Variants in SERPINB11 observed in about 807,000 individuals in gnomAD.
SERPINB11 encodes the protein serpin B11.
In SERPINB11, 32 loss-of-function variants were observed where a neutral mutation model predicts 36.7. That is an observed-to-expected ratio of 0.87 (90% CI 0.66 to 1.17). The LOEUF is 1.17. SERPINB11 is among the 50% of genes most tolerant of loss of function. SERPINB11 has a pLI of 0.00. For missense variants in SERPINB11, 528 were observed against 458.4 expected (o/e 1.15, Z -1.39); for synonymous variants, 174 against 168.1 (o/e 1.04, Z -0.27).
intron 3 of SERPINB11, among the ~76,000 whole-genome samples, chr18:63,712,179 T>C (rs1914542628): frequency 6.6e-6 from 1 of 151,078 alleles, no homozygotes; most frequent in African/African-American, 2.4e-5. Context: ...ACATGAAAAA[T>C]GGAGATGTAG....
intron 4 of SERPINB11, among the ~76,000 whole-genome samples, chr18:63,714,293 A>G (rs1388623793): frequency 1.3e-5 from 2 of 152,170 alleles, no homozygotes; most frequent in East Asian, 3.9e-4. Flanking sequence ...TCACAAGGCA[A>G]TAAAATATCA....
At chr18:63,707,974 A>G (rs989546666) in intron 1 of SERPINB11, among the ~76,000 whole-genome samples, 1 of 152,236 alleles carries the variant, frequency 6.6e-6, no homozygotes, top group Non-Finnish European at 1.5e-5. Flanking sequence ...AGCCTTAGTA[A>G]TGAGATGCTA....
chr18:63,717,880 AT>A (rs537255094), intron 5 of SERPINB11, among the ~76,000 whole-genome samples: 2 of 151,938 alleles, frequency 1.3e-5, no homozygotes, highest in African/African-American at 4.8e-5. Context: ...CTTTGCACAC[AT>A]TTTTTGGACG....
At chr18:63,711,272 G>T in intron 2 of SERPINB11, 63 bp from the exon 3 acceptor site, 1 of 1,129,340 alleles carries the variant, frequency 8.9e-7, no homozygotes, top group Non-Finnish European at 1.3e-6. Flanking sequence ...ACTTACAACT[G>T]TCAACCTTTA....
At chr18:63,717,847 A>G (rs1321550372) in intron 5 of SERPINB11, among the ~76,000 whole-genome samples, 2 of 151,954 alleles carry the variant, frequency 1.3e-5, no homozygotes, top group Non-Finnish European at 2.9e-5. Flanking sequence ...AAAATTTATG[A>G]TCTTTTCCTT....
intron 1 of SERPINB11, among the ~76,000 whole-genome samples, chr18:63,708,782 G>A (rs1914438573): frequency 6.6e-6 from 1 of 152,162 alleles, no homozygotes; most frequent in African/African-American, 2.4e-5. Context: ...GAATGAGGTT[G>A]GATGAGATCA....
In SERPINB11 at chr18:63,720,840, G is replaced by GT. The variant is rs1180180880; in HGVS notation, c.629dup (p.Thr211AsnfsTer12). 2 of 1,552,214 alleles carry GT rather than the reference G, an allele frequency of 1.3e-6. No individual in the cohort carries two copies. Among genetic ancestry groups the GT allele is most frequent in the South Asian group, 2.4e-5 (2 of 84,264 alleles). ...TTTTTCTTCTTAACAGGGTAAAAAT[G>GT]TAACTGTGGAAATGATGTATCAAAT... On this transcript the variant is annotated frameshift_variant, in exon 7 of 8. Coordinates refer to ENST00000544088, the MANE Select transcript of SERPINB11 (RefSeq NM_001370475.1). LOFTEE classifies it high-confidence loss of function.
Position 63,715,229 on chromosome 18 carries a change from G to T in SERPINB11, c.358-806G>T, listed in dbSNP as rs543544743. On this transcript the variant is annotated intron_variant, in intron 4 of 7. Coordinates refer to ENST00000544088, the MANE Select transcript of SERPINB11 (RefSeq NM_001370475.1). Reference sequence around the variant, plus strand: ...TGGAGGTATGCTCCTTAGGTCTCAGGAATTGCATCATGGTAAACTCATTTG... The same window carrying T: ...TGGAGGTATGCTCCTTAGGTCTCAGTAATTGCATCATGGTAAACTCATTTG... 2.3e-4 allele frequency among the ~76,000 whole-genome samples: 35 copies of T among 152,208 alleles called. 1 individual carries two copies. The highest frequency in any genetic ancestry group is 2.2e-3 in the Admixed American group (33 of 15,278).
intron 3 of SERPINB11, among the ~76,000 whole-genome samples, chr18:63,712,143 G>A (rs1022186421): frequency 6.6e-6 from 1 of 152,076 alleles, no homozygotes; most frequent in African/African-American, 2.4e-5. Flanking sequence ...GTTCAGTGAA[G>A]GGCTGAGGTA....
upstream of SERPINB11, among the ~76,000 whole-genome samples, chr18:63,702,660 C>T (rs1914268955): frequency 6.6e-6 from 1 of 152,116 alleles, no homozygotes; most frequent in South Asian, 2.1e-4. Context: ...GATCTCATTA[C>T]AAATTTTATT....
chr18:63,713,002 C>G (rs1914569069), intron 4 of SERPINB11, among the ~76,000 whole-genome samples: 1 of 152,152 alleles, frequency 6.6e-6, no homozygotes, highest in Admixed American at 6.5e-5. Flanking sequence ...TTTTTCATAT[C>G]TTTTTCAGAG....
chr18:63,709,616 TAAATA>T (rs10629688), intron 1 of SERPINB11, among the ~76,000 whole-genome samples: 30 of 143,536 alleles, frequency 2.1e-4, no homozygotes, highest in East Asian at 6.3e-4. Flanking sequence ...GTCTCAAAAA[TAAATA>T]AAATAAAATA....
chr18:63,717,917 G>A (rs115221036), intron 5 of SERPINB11, among the ~76,000 whole-genome samples: 1,863 of 152,012 alleles, frequency 0.012, 22 homozygotes, highest in African/African-American at 0.034. Context: ...TGTCGTGAAA[G>A]TATTTTCTAG....
chr18:63,714,371 T>C (rs925303023), intron 4 of SERPINB11, among the ~76,000 whole-genome samples: 4 of 152,142 alleles, frequency 2.6e-5, no homozygotes, highest in Non-Finnish European at 5.9e-5. Flanking sequence ...GCATGCATTG[T>C]CATTGATAAT....
At chr18:63,706,996 G>A (rs1914388558) in intron 1 of SERPINB11, among the ~76,000 whole-genome samples, 2 of 152,166 alleles carry the variant, frequency 1.3e-5, no homozygotes, top group African/African-American at 4.8e-5. Flanking sequence ...CTTATTAGAA[G>A]CCTTTTCTAG....
intron 1 of SERPINB11, among the ~76,000 whole-genome samples, chr18:63,709,616 T>TAAATAAAATAAAATA (rs10629688): frequency 0.045 from 6,464 of 143,432 alleles, 465 homozygotes; most frequent in African/African-American, 0.15. Context: ...GTCTCAAAAA[T>TAAATAAAATAAAATA]AAATAAAATA....
chr18:63,718,173 G>C (rs1914717004), intron 5 of SERPINB11, among the ~76,000 whole-genome samples: 1 of 151,948 alleles, frequency 6.6e-6, no homozygotes, highest in Admixed American at 6.6e-5. Context: ...TTATTCTCAT[G>C]ATGATGCCAC....
intron 5 of SERPINB11, among the ~76,000 whole-genome samples, chr18:63,718,291 T>A (rs1407542846): frequency 6.6e-6 from 1 of 152,000 alleles, no homozygotes; most frequent in Non-Finnish European, 1.5e-5. Flanking sequence ...TATTTCCATA[T>A]ACGTTTTAAA....
chr18:63,708,501 G>A (rs1403102624), intron 1 of SERPINB11, among the ~76,000 whole-genome samples: 1 of 152,146 alleles, frequency 6.6e-6, no homozygotes, highest in Non-Finnish European at 1.5e-5. Context: ...ATAAGAATAA[G>A]AACGAGAAAG....
Sources: allele counts gnomAD v4.1 joint callset (sites outside exome capture counted in the v4.1 genomes callset), GRCh38; gene constraint gnomAD v4.1.1; transcripts MANE v1.5; gene names NCBI Gene and HGNC (gene_info 2026-07-23, HGNC 2026-07-21).